STX18: variants seen among roughly 807,000 people sequenced by gnomAD.
STX18 encodes the protein syntaxin 18.
A neutral mutation model predicts 50.1 loss-of-function variants in STX18; 40 were observed. That is an observed-to-expected ratio of 0.80 (90% CI 0.62 to 1.04). STX18 has a LOEUF of 1.04. STX18 is among the 50% of genes least tolerant of loss of function. The probability of loss-of-function intolerance (pLI) is 0.00; values close to 1 mark genes in which losing one functional copy is unlikely to be tolerated. For synonymous variants in STX18, 158 were observed against 151.8 expected, an observed-to-expected ratio of 1.04 and a Z score of -0.30; for missense variants, 410 against 415.8, an observed-to-expected ratio of 0.99 and a Z score of 0.12.
chr4:4,541,730 G>A (rs1396550866), intron 1 of STX18, 67 bp downstream of exon 1: 1 of 1,539,012 alleles, frequency 6.5e-7, no homozygotes, highest in Non-Finnish European at 8.8e-7. Flanking sequence ...GTCTGGTTTG[G>A]GGCCCGGGGT....
intron 3 of STX18, among the ~76,000 whole-genome samples, chr4:4,459,049 AACACACACACACGCACACACAC>A: frequency 8.2e-6 from 1 of 121,900 alleles, no homozygotes; most frequent in South Asian, 2.5e-4. Context: ...TGCCACACAG[AACACACACACACGCACACACAC>A]ACACACACAC....
intron 1 of STX18, among the ~76,000 whole-genome samples, chr4:4,512,672 G>A (rs1350475398): frequency 2.0e-5 from 3 of 152,164 alleles, no homozygotes. Flanking sequence ...TGTGAGTTAG[G>A]TACTCTGGGA....
At position 4,419,686 on chromosome 4, in the gene STX18, C is replaced by CAATT. The variant is rs978261191; in HGVS notation, c.*344_*347dup. 3.0e-5 allele frequency: 6 copies of CAATT among 202,326 alleles called. No homozygotes were observed. The highest frequency in any genetic ancestry group is 1.4e-4 in the African/African-American group (6 of 43,422). 12.5% of individuals were successfully genotyped at this position (202,326 alleles called of 1,614,324 possible). A position where few individuals can be genotyped will look rare whatever the true frequency, so the allele number is the denominator to read the frequency against. On this transcript the variant is annotated 3_prime_UTR_variant, in exon 11 of 11. Coordinates refer to ENST00000306200, the MANE Select transcript of STX18 (RefSeq NM_016930.4). ...CAGTGTCTTCCTTTGAACCCTGAGACAATTAGGGGCTCTTGAGGCCTGCTG... is the reference window on the plus strand; with the variant it reads ...CAGTGTCTTCCTTTGAACCCTGAGACAATTAATTAGGGGCTCTTGAGGCCTGCTG...
At chr4:4,504,951 T>C (rs1729630613) in intron 1 of STX18, among the ~76,000 whole-genome samples, 1 of 152,200 alleles carries the variant, frequency 6.6e-6, no homozygotes, top group Non-Finnish European at 1.5e-5. Flanking sequence ...AAACAATTCA[T>C]CCATTTAAAT....
Position 4,492,690 on chromosome 4 carries a change from T to C in STX18, c.169-20984A>G, listed in dbSNP as rs368063912. ...TTTCACATGCATTAAAAAAGAGACA[T>C]GTTCTGAATTCTGCTTATCACCATA... On this transcript the variant is annotated intron_variant, in intron 1 of 10. Coordinates refer to ENST00000306200, the MANE Select transcript of STX18 (RefSeq NM_016930.4). 5.3e-5 allele frequency among the ~76,000 whole-genome samples: 8 copies of C among 152,278 alleles called. No individual in the cohort carries two copies. In the South Asian group the frequency reaches 1.2e-3, roughly 24 times the overall value.
chr4:4,426,793 C>T (rs752537239), intron 7 of STX18, among the ~76,000 whole-genome samples: 3 of 152,192 alleles, frequency 2.0e-5, no homozygotes, highest in African/African-American at 4.8e-5. Context: ...AAGTGCTGGT[C>T]ATGCCAGAAT....
At chr4:4,471,805 T>C (rs1291908861) in intron 1 of STX18, 99 bp from the exon 2 acceptor site, 5 of 884,986 alleles carry the variant, frequency 5.6e-6, no homozygotes, top group Non-Finnish European at 8.3e-6. Context: ...TGCAGAAAGA[T>C]TCTGAAGCTA....
At chr4:4,454,455 T>C (rs1726957015) in intron 5 of STX18, among the ~76,000 whole-genome samples, 1 of 152,214 alleles carries the variant, frequency 6.6e-6, no homozygotes, top group Non-Finnish European at 1.5e-5. Flanking sequence ...TGGGTACCTG[T>C]GAAGTCCACT....
intron 1 of STX18, among the ~76,000 whole-genome samples, chr4:4,479,190 G>T (rs927539026): frequency 6.6e-6 from 1 of 152,120 alleles, no homozygotes; most frequent in Non-Finnish European, 1.5e-5. Flanking sequence ...CTATGCATCC[G>T]ATTTGCTTCT....
intron 5 of STX18, among the ~76,000 whole-genome samples, chr4:4,456,725 T>C (rs530641757): frequency 1.1e-4 from 17 of 152,298 alleles, no homozygotes; most frequent in African/African-American, 3.8e-4. Context: ...CTGCTTGTTG[T>C]GCCCTCGCTC....
chr4:4,464,433 C>CT (rs1170422544), intron 2 of STX18, among the ~76,000 whole-genome samples: 1 of 152,200 alleles, frequency 6.6e-6, no homozygotes, highest in Non-Finnish European at 1.5e-5. Context: ...GAGAAACTAT[C>CT]TTTTTCATCT....
At position 4,434,788 on chromosome 4, in the gene STX18, G is replaced by A; in HGVS notation, c.684C>T (p.Ser228=). ...WGDGKGEDEL[S]PEEIQMFEQE... ...GCATTACCATTTGTATTTCTTCTGG[G>A]GATAACTCATCTTCGCCTTTGCCAT... The change falls in exon 7 of 11, where the codon TCC becomes TCT. Residue 228 remains serine, a synonymous_variant. Coordinates refer to ENST00000306200, the MANE Select transcript of STX18 (RefSeq NM_016930.4). 1.2e-6 allele frequency: 2 copies of A among 1,606,444 alleles called. No individual in the cohort carries two copies. Among genetic ancestry groups the A allele is most frequent in the South Asian group, 1.1e-5 (1 of 88,672 alleles).
chr4:4,520,591 C>A (rs1241989058), intron 1 of STX18, among the ~76,000 whole-genome samples: 3 of 152,146 alleles, frequency 2.0e-5, no homozygotes, highest in Non-Finnish European at 4.4e-5. Context: ...ATTCATTATT[C>A]TTGAAGTTAA....
At chr4:4,447,640 C>T (rs1726498240) in intron 5 of STX18, among the ~76,000 whole-genome samples, 1 of 121,382 alleles carries the variant, frequency 8.2e-6, no homozygotes, top group Non-Finnish European at 1.7e-5. Context: ...AAAAATGGGG[C>T]TCTGACTATC....
chr4:4,529,612 G>T (rs1730996571), intron 1 of STX18, among the ~76,000 whole-genome samples: 2 of 152,212 alleles, frequency 1.3e-5, no homozygotes, highest in African/African-American at 4.8e-5. Context: ...GGACACCTGT[G>T]CATGCCCAAG....
Position 4,438,500 on chromosome 4 carries a change from C to T in STX18, c.507G>A (p.Leu169=). The T allele has an allele frequency of 6.2e-7, 1 of 1,606,778 alleles. No homozygotes were observed. Among genetic ancestry groups the T allele is most frequent in the Admixed American group, 1.7e-5 (1 of 58,566 alleles). Residue 169 remains leucine, a synonymous_variant, in exon 6 of 11, where the codon CTG becomes CTA. Transcript: ENST00000306200. ...RVVDKKRLSK[L]EPEPNTKTRE... ...TTGTCTTTGTATTTGGTTCTGGTTC[C>T]AGCTTAGATCTAAAAATAAATAATT...
In STX18 at chr4:4,419,805, T is replaced by G; in HGVS notation, c.*229A>C. 1 of 477,706 alleles carries G rather than the reference T, an allele frequency of 2.1e-6. No individual in the cohort carries two copies. The highest frequency in any genetic ancestry group is 3.8e-6 in the Non-Finnish European group (1 of 262,328). 29.6% of individuals were successfully genotyped at this position (477,706 alleles called of 1,614,324 possible). On this transcript the variant is annotated 3_prime_UTR_variant, in exon 11 of 11. Coordinates refer to ENST00000306200, the MANE Select transcript of STX18 (RefSeq NM_016930.4). ...CTTGCCTGATGAGGGCTACGCAGGCTGCCTCCCATTGGTGTGCACTGTTTC... is the reference window on the plus strand; with the variant it reads ...CTTGCCTGATGAGGGCTACGCAGGCGGCCTCCCATTGGTGTGCACTGTTTC...
At chr4:4,486,202 C>T (rs78806786) in intron 1 of STX18, among the ~76,000 whole-genome samples, 328 of 152,292 alleles carry the variant, frequency 2.2e-3, no homozygotes, top group Admixed American at 4.0e-3. Context: ...ACCACCAACC[C>T]CGTCAGTTTC....
At chr4:4,455,945 C>T (rs1421917927) in intron 5 of STX18, among the ~76,000 whole-genome samples, 1 of 152,018 alleles carries the variant, frequency 6.6e-6, no homozygotes, top group Non-Finnish European at 1.5e-5. Flanking sequence ...CTTAGTGAAT[C>T]CTAGAACCAG....
Sources: gnomAD v4.1 joint callset for allele counts (sites outside exome capture counted in the v4.1 genomes callset) on GRCh38, gnomAD v4.1.1 for gene constraint, MANE v1.5 for transcripts, NCBI Gene and HGNC (gene_info 2026-07-23, HGNC 2026-07-21) for gene names.